The following RBM24 variants were observed in gnomAD, a reference collection of about 807,000 sequenced individuals.
RBM24 encodes the protein RNA-binding protein 24.
In RBM24, 5 loss-of-function variants were observed where a neutral mutation model predicts 23.6. That is an observed-to-expected ratio of 0.21 (90% CI 0.11 to 0.45). The LOEUF is 0.45. RBM24 is among the 20% of genes least tolerant of loss of function. The pLI is 0.99. For missense variants in RBM24, 252 were observed against 314.6 expected, an observed-to-expected ratio of 0.80 and a Z score of 1.51; for synonymous variants, 151 against 129.5, an observed-to-expected ratio of 1.17 and a Z score of -1.13.
chr6:17,286,206 T>TTTA (rs398000666), intron 3 of RBM24, among the ~76,000 whole-genome samples: 1,595 of 151,152 alleles, frequency 0.011, 32 homozygotes, highest in African/African-American at 0.036. Context: ...TTTTTTTTTT[T>TTTA]AGCTGTGGAA....
chr6:17,293,642 CTG>C lies in RBM24; in HGVS notation c.*1525_*1526del, dbSNP rs1319583841. ...AAACTAAATTGAATACTATTTTACA[CTG>C]TATTGGATTTTTATACTTGAACAAT... On this transcript the variant is annotated 3_prime_UTR_variant, in exon 4 of 4. Transcript: ENST00000379052. The C allele has an allele frequency of 2.6e-5, 4 of 152,530 alleles. No individual in the cohort carries two copies. Among genetic ancestry groups the C allele is most frequent in the African/African-American group, 9.7e-5 (4 of 41,414 alleles). The allele number at this position is 152,530 out of a possible 1,614,324, so 9.4% of individuals were successfully genotyped here.
At chr6:17,288,847 A>G in intron 3 of RBM24, 1 of 985,488 alleles carries the variant, frequency 1.0e-6, no homozygotes. Flanking sequence ...TAGAATGCCA[A>G]GGCTTAAGAA....
In RBM24 at chr6:17,291,660, A is replaced by G; in HGVS notation, c.348-96A>G. 6 of 1,368,248 alleles carry G rather than the reference A, an allele frequency of 4.4e-6. No individual in the cohort carries two copies. The South Asian group carries it at 8.2e-5, about 19-fold the overall frequency. The allele number at this position is 1,368,248 out of a possible 1,614,324, so 84.8% of individuals were successfully genotyped here. A position where few individuals can be genotyped will look rare whatever the true frequency, so the allele number is the denominator to read the frequency against. ...TAGATATTGTGGCAACCCTATGCTC[A>G]TAATAACCACTAAATTTGAGTTTGT... On this transcript the variant is annotated intron_variant, in intron 3 of 3. Transcript: ENST00000379052.
At position 17,293,846 on chromosome 6, in the gene RBM24, C is replaced by T. The variant is rs910795198; in HGVS notation, c.*1727C>T. On this transcript the variant is annotated 3_prime_UTR_variant, in exon 4 of 4. Transcript: ENST00000379052. Reference sequence around the variant, plus strand: ...CATTTCAGATCTTCTAATCTATTCACTTGTATTAAATATAATTTTTAAAAA... The same window carrying T: ...CATTTCAGATCTTCTAATCTATTCATTTGTATTAAATATAATTTTTAAAAA... 1 of 152,570 alleles carries T rather than the reference C, an allele frequency of 6.6e-6. No homozygotes were observed. Among genetic ancestry groups the T allele is most frequent in the Non-Finnish European group, 1.5e-5 (1 of 68,018 alleles). The allele number at this position is 152,570 out of a possible 1,614,324, so 9.5% of individuals were successfully genotyped here.
Position 17,292,032 on chromosome 6 carries a change from AGCTGCCGCCGCCGCTGCAGCAGCT to A in RBM24, c.633_656del (p.Ala214_Ala221del), listed in dbSNP as rs765951165. On this transcript the variant is annotated inframe_deletion, in exon 4 of 4. Transcript: ENST00000379052. ...CAATCACCGCAGCGGCACCTGGGAC[AGCTGCCGCCGCCGCTGCAGCAGCT>A]GCTGCCGCTGCAGCATTTGGCCAGT... 139 of 1,598,786 alleles carry A rather than the reference AGCTGCCGCCGCCGCTGCAGCAGCT, an allele frequency of 8.7e-5. No individual in the cohort carries two copies. The highest frequency in any genetic ancestry group is 2.7e-4 in the Admixed American group (16 of 59,732).
intron 3 of RBM24, chr6:17,285,217 G>A (rs890262874): frequency 2.6e-5 from 4 of 152,262 alleles, no homozygotes; most frequent in African/African-American, 9.7e-5. Flanking sequence ...TTTCACAATA[G>A]TCAATAGCCC....
chr6:17,289,720 C>CT (rs1239788440), intron 3 of RBM24: 1 of 1,047,366 alleles, frequency 9.5e-7, no homozygotes, highest in Non-Finnish European at 1.2e-6. Context: ...AGATGTTTTA[C>CT]TTTGGCCTTA....
rs941878836 is a variant in RBM24, at chr6:17,290,977, TG to T, written c.348-776del. On this transcript the variant is annotated intron_variant, in intron 3 of 3. Coordinates refer to ENST00000379052, the MANE Select transcript of RBM24 (RefSeq NM_001143942.2). Reference sequence around the variant, plus strand: ...AAAATAAGTGTGCTGCACATCTCTTTGGGAATCACTGCCATGAATGTTAATA... The same window carrying T: ...AAAATAAGTGTGCTGCACATCTCTTTGGAATCACTGCCATGAATGTTAATA... The T allele has an allele frequency of 6.1e-6, 5 of 814,136 alleles. No individual in the cohort carries two copies. In the African/African-American group the frequency reaches 8.8e-5, roughly 14 times the overall value. 50.4% of individuals were successfully genotyped at this position (814,136 alleles called of 1,614,324 possible).
chr6:17,289,975 G>C, intron 3 of RBM24: 1 of 1,289,324 alleles, frequency 7.8e-7, no homozygotes, highest in Non-Finnish European at 1.0e-6. Flanking sequence ...CCACGCGCCT[G>C]GTTTCTGACA....
rs1760417002 is a variant in RBM24, at chr6:17,293,008, A to C, written c.*889A>C. 1 of 152,214 alleles carries C rather than the reference A, an allele frequency of 6.6e-6. No individual in the cohort carries two copies. Among genetic ancestry groups the C allele is most frequent in the Admixed American group, 6.5e-5 (1 of 15,278 alleles). 9.4% of individuals were successfully genotyped at this position (152,214 alleles called of 1,614,324 possible). Reference sequence around the variant, plus strand: ...TATTGTGTCGACTCGTGGCTTATGAATAAAGGCAGGCAAAGTTTGCAGAAC... The same window carrying C: ...TATTGTGTCGACTCGTGGCTTATGACTAAAGGCAGGCAAAGTTTGCAGAAC... On this transcript the variant is annotated 3_prime_UTR_variant, in exon 4 of 4. Transcript: ENST00000379052.
intron 1 of RBM24, chr6:17,282,299 A>C: frequency 8.0e-7 from 1 of 1,254,396 alleles, no homozygotes; most frequent in South Asian, 1.2e-5. Context: ...CTAGAGATTT[A>C]AGCGTGCAAA....
intron 3 of RBM24, chr6:17,288,551 A>T: frequency 1.0e-6 from 1 of 985,388 alleles, no homozygotes; most frequent in Non-Finnish European, 1.2e-6. Context: ...AACAAAGCAT[A>T]AAAAAAGAAA....
rs34085272 is a variant in RBM24 at position 17,288,070 on chromosome 6, ATTGT to A, written c.347+3361_347+3364del. 600 of 160,314 alleles carry A rather than the reference ATTGT, an allele frequency of 3.7e-3. 5 individuals are homozygous for A. The highest frequency in any genetic ancestry group is 0.014 in the African/African-American group (574 of 41,694). 9.9% of individuals were successfully genotyped at this position (160,314 alleles called of 1,614,324 possible). A position where few individuals can be genotyped will look rare whatever the true frequency, so the allele number is the denominator to read the frequency against. On this transcript the variant is annotated intron_variant, in intron 3 of 3. Transcript: ENST00000379052. Reference sequence around the variant, plus strand: ...CTCACAGTAAGTGTTTGTTGAAGGCATTGTTAATATCTTTTCCAAAACTAAGACA... The same window carrying A: ...CTCACAGTAAGTGTTTGTTGAAGGCATAATATCTTTTCCAAAACTAAGACA...
chr6:17,284,983 G>T lies in RBM24; in HGVS notation c.347+272G>T, dbSNP rs73723639. 1,188 of 304,674 alleles carry T rather than the reference G, an allele frequency of 3.9e-3. 19 individuals carry two copies. Among genetic ancestry groups the T allele is most frequent in the African/African-American group, 0.024 (1,109 of 46,582 alleles). The allele number at this position is 304,674 out of a possible 1,614,324, so 18.9% of individuals were successfully genotyped here. The stretch of plus-strand genomic sequence containing the variant: ...ACCAGGTATGACTTGTGTACAAGAC[G>T]ATTGTGTCCCATCACCATTACTACT... On this transcript the variant is annotated intron_variant, in intron 3 of 3. Coordinates refer to ENST00000379052, the MANE Select transcript of RBM24 (RefSeq NM_001143942.2).
intron 3 of RBM24, chr6:17,289,514 C>T (rs998909349): frequency 2.0e-6 from 2 of 985,302 alleles, no homozygotes; most frequent in South Asian, 4.7e-5. Context: ...CTAAAGCCCC[C>T]TAAGCAACCT....
intron 3 of RBM24, chr6:17,290,974 CT>C (rs1760339453): frequency 1.1e-6 from 1 of 869,986 alleles, no homozygotes; most frequent in Admixed American, 2.3e-5. Flanking sequence ...CTGCACATCT[CT>C]TTGGGAATCA....
intron 3 of RBM24, chr6:17,288,828 G>A: frequency 3.0e-6 from 3 of 985,456 alleles, no homozygotes; most frequent in Non-Finnish European, 3.6e-6. Flanking sequence ...CAGTCTGGAT[G>A]TTTTGGCCTA....
At position 17,281,923 on chromosome 6, in the gene RBM24, C is replaced by CTTTGCTAGGGGAG; in HGVS notation, c.168+174_168+175insTTTGCTAGGGGAG. On this transcript the variant is annotated intron_variant, in intron 1 of 3. Coordinates refer to ENST00000379052, the MANE Select transcript of RBM24 (RefSeq NM_001143942.2). This position sits in a 1 kb window ranked among gnomAD's most constrained non-coding sequence, Gnocchi z 7.1. ...CTTTGCTAGGGGAGAGGGTCGGCGC[C>CTTTGCTAGGGGAG]AGCCTCGCGGGGTTCGGAGAAGACC... The CTTTGCTAGGGGAG allele has an allele frequency of 7.5e-7, 1 of 1,336,486 alleles. No homozygotes were observed. The highest frequency in any genetic ancestry group is 1.0e-6 in the Non-Finnish European group (1 of 998,774). The allele number at this position is 1,336,486 out of a possible 1,614,324, so 82.8% of individuals were successfully genotyped here. A position where few individuals can be genotyped will look rare whatever the true frequency, so the allele number is the denominator to read the frequency against.
At position 17,281,618 on chromosome 6, in the gene RBM24, A is replaced by C; in HGVS notation, c.37A>C (p.Ile13Leu). 6.5e-7 allele frequency: 1 copy of C among 1,548,990 alleles called. No homozygotes were observed. The highest frequency in any genetic ancestry group is 8.7e-7 in the Non-Finnish European group (1 of 1,146,334). ...CCAGAAGGACACGACGTACACCAAG[A>C]TCTTCGTCGGGGGGCTGCCCTACCA... ...TTQKDTTYTK[I>L]FVGGLPYHTT... Residue 13 changes from isoleucine (I) to leucine (L), a missense_variant, in exon 1 of 4, where the codon ATC (isoleucine) becomes CTC (leucine). Coordinates refer to ENST00000379052, the MANE Select transcript of RBM24 (RefSeq NM_001143942.2). The surrounding 1 kb of genome is among the most constrained non-coding windows in gnomAD (Gnocchi z 7.1).
Sources: gnomAD v4.1 joint callset for allele counts (sites outside exome capture counted in the v4.1 genomes callset) on GRCh38, gnomAD v4.1.1 for gene constraint, Gnocchi (gnomAD v3.1) non-coding constraint, MANE v1.5 for transcripts, NCBI Gene and HGNC (gene_info 2026-07-23, HGNC 2026-07-21) for gene names.